CEP250: variants seen among roughly 807,000 people sequenced by gnomAD.
CEP250 encodes centrosome-associated protein CEP250.
Under a neutral mutation model 315.7 loss-of-function variants are expected in CEP250, and 242 were observed. That is an observed-to-expected ratio of 0.77 (90% CI 0.69 to 0.85). The LOEUF is 0.85. CEP250 is among the 40% of genes least tolerant of loss of function. The pLI is 0.00. For missense variants in CEP250, 2,515 were observed against 2,886.4 expected (o/e 0.87, Z 2.95); for synonymous variants, 1,088 against 1,175.0 (o/e 0.93, Z 1.51).
chr20:35,455,991 G>A (rs2062612580), intron 1 of CEP250, among the ~76,000 whole-genome samples: 1 of 152,246 alleles, frequency 6.6e-6, no homozygotes, highest in African/African-American at 2.4e-5. Flanking sequence ...CGCCTCCCGG[G>A]TTCAAGCGAT....
chr20:35,491,178 G>A, intron 21 of CEP250, 34 bp from the exon 22 acceptor site: 4 of 1,605,524 alleles, frequency 2.5e-6, no homozygotes, highest in Non-Finnish European at 3.4e-6. Flanking sequence ...GTAATCCTGA[G>A]CCCACAAGCT....
At position 35,508,179 on chromosome 20, in the gene CEP250, A is replaced by C; in HGVS notation, c.6895A>C (p.Thr2299Pro). 6.2e-7 allele frequency: 1 copy of C among 1,613,872 alleles called. No individual in the cohort carries two copies. Among genetic ancestry groups the C allele is most frequent in the Non-Finnish European group, 8.5e-7 (1 of 1,179,952 alleles). The change falls in exon 32 of 35, where the codon ACC becomes CCC. Residue 2299 changes from threonine to proline, a missense_variant. Physicochemically the swap from Thr to Pro is conservative, Grantham distance 38. Coordinates refer to ENST00000397527, the MANE Select transcript of CEP250 (RefSeq NM_007186.6). ...GCGCCACAATGTCCAGCTGCGGAGT[A>C]CCTTGGAGCAGGTGACCCCTCTTCT... is the stretch of plus-strand genomic sequence containing the variant. The part of the protein sequence containing the change: ...LQRHNVQLRS[T>P]LEQVERERRK...
At chr20:35,492,740 T>TTG (rs1568810630) in intron 22 of CEP250, among the ~76,000 whole-genome samples, 1 of 152,210 alleles carries the variant, frequency 6.6e-6, no homozygotes, top group Non-Finnish European at 1.5e-5. Context: ...ATGTATGTAT[T>TTG]TGTTTGAGAC....
chr20:35,483,481 G>A lies in CEP250; in HGVS notation c.2586+3336G>A, dbSNP rs556307329. Among the ~76,000 whole-genome samples the A allele has an allele frequency of 6.6e-5, 10 of 151,350 alleles. No homozygotes were observed. The South Asian group carries it at 1.0e-3, about 16-fold the overall frequency. On this transcript the variant is annotated intron_variant, in intron 20 of 34. Transcript: ENST00000397527. ...GAGTCCTCCTGCCGCAGCCTCCGAC[G>A]AACTGCAACTACAGGCACATGCCAC...
Position 35,472,715 on chromosome 20 carries a change from C to T in CEP250, c.1093C>T (p.His365Tyr). 6.2e-7 allele frequency: 1 copy of T among 1,614,138 alleles called. No individual in the cohort carries two copies. Among genetic ancestry groups the T allele is most frequent in the Non-Finnish European group, 8.5e-7 (1 of 1,179,994 alleles). ...GGACAATATAGCCCAAGGCTCTGGT[C>T]ATGAGAACTCTTTGGAATTGGACTC... ...EGDNIAQGSG[H>Y]ENSLELDSSI... The change falls in exon 12 of 35, where the codon CAT (histidine) becomes TAT (tyrosine). Residue 365 changes from histidine (H) to tyrosine (Y), a missense_variant. Coordinates refer to ENST00000397527, the MANE Select transcript of CEP250 (RefSeq NM_007186.6).
Position 35,464,298 on chromosome 20 carries a change from G to A in CEP250, c.243+667G>A, listed in dbSNP as rs535690790. ...TTGCTTGCTTGTTTGGTTGGTTTTT[G>A]TTTGTTTGGTTGGTTGGTTGTTTTG... is the stretch of plus-strand genomic sequence containing the variant. On this transcript the variant is annotated intron_variant, in intron 5 of 34. Coordinates refer to ENST00000397527, the MANE Select transcript of CEP250 (RefSeq NM_007186.6). Among the ~76,000 whole-genome samples, 3 of 152,172 alleles carry A rather than the reference G, an allele frequency of 2.0e-5. No homozygotes were observed. The South Asian group carries it at 6.2e-4, about 32-fold the overall frequency.
At position 35,498,580 on chromosome 20, in the gene CEP250, T is replaced by C. The variant is rs751494716; in HGVS notation, c.3656-15T>C. On this transcript the variant is annotated splice_polypyrimidine_tract_variant and intron_variant, in intron 26 of 34. Transcript: ENST00000397527. ...TAGTGGCAGCCAGGTAAGGAGGTTT[T>C]CCTCATTTTTTCAGACCAGAATGGA... 4.4e-6 allele frequency: 7 copies of C among 1,604,668 alleles called. No individual in the cohort carries two copies. Among genetic ancestry groups the C allele is most frequent in the African/African-American group, 1.4e-5 (1 of 74,064 alleles).
chr20:35,488,222 A>T (rs1157212986), intron 20 of CEP250, among the ~76,000 whole-genome samples: 1 of 152,194 alleles, frequency 6.6e-6, no homozygotes, highest in African/African-American at 2.4e-5. Flanking sequence ...GAGCAAATAG[A>T]TCAGTTTTTT....
chr20:35,505,215 T>G (rs2064152535), intron 30 of CEP250, among the ~76,000 whole-genome samples: 1 of 152,198 alleles, frequency 6.6e-6, no homozygotes, highest in South Asian at 2.1e-4. Flanking sequence ...CTCACAGAGT[T>G]CACAGTCTAG....
chr20:35,472,841 C>T lies in CEP250; in HGVS notation c.1209+10C>T. 6.2e-7 allele frequency: 1 copy of T among 1,613,746 alleles called. No individual in the cohort carries two copies. The stretch of plus-strand genomic sequence containing the variant: ...ACGCCAGGCTGTGCAGGTAGGAACC[C>T]TCAGCATTCCACCTCAGTCACAGGG... On this transcript the variant is annotated intron_variant, in intron 12 of 34. Transcript: ENST00000397527.
At chr20:35,506,701 G>C (rs58280688) in intron 30 of CEP250, among the ~76,000 whole-genome samples, 4,142 of 152,160 alleles carry the variant, frequency 0.027, 71 homozygotes, top group South Asian at 0.074. Context: ...AAGTTCACAG[G>C]GTTTGAAATA....
At chr20:35,463,334 C>T (rs532517122) in intron 4 of CEP250, among the ~76,000 whole-genome samples, 147 of 152,308 alleles carry the variant, frequency 9.7e-4, no homozygotes, top group Non-Finnish European at 5.4e-4. Flanking sequence ...ATCTGGGAAG[C>T]GGAGGTTGCA....
In CEP250 at chr20:35,502,738, G is replaced by C. The variant is rs748430245; in HGVS notation, c.4369G>C (p.Ala1457Pro). 1 of 1,614,272 alleles carries C rather than the reference G, an allele frequency of 6.2e-7. No individual in the cohort carries two copies. Among genetic ancestry groups the C allele is most frequent in the Non-Finnish European group, 8.5e-7 (1 of 1,180,050 alleles). Residue 1457 changes from alanine to proline, a missense_variant, in exon 30 of 35, where the codon GCT becomes CCT. Physicochemically the swap from Ala to Pro is conservative, Grantham distance 27. Coordinates refer to ENST00000397527, the MANE Select transcript of CEP250 (RefSeq NM_007186.6). ...GAAGCAACGGGAAATGCAGAAGGCT[G>C]CTTTGGAATTGCTGTCTCTGGACCT... The part of the protein sequence containing the change: ...LEKQREMQKA[A>P]LELLSLDLKK...
At chr20:35,486,443 T>C (rs1364128899) in intron 20 of CEP250, among the ~76,000 whole-genome samples, 1 of 151,572 alleles carries the variant, frequency 6.6e-6, no homozygotes, top group East Asian at 1.9e-4. Context: ...TGATCTCACT[T>C]TGTTGCCTAG....
chr20:35,507,126 C>G (rs1334621279), intron 30 of CEP250, among the ~76,000 whole-genome samples: 3 of 152,226 alleles, frequency 2.0e-5, no homozygotes, highest in African/African-American at 7.2e-5. Context: ...AGCTCTTCCT[C>G]TCTCCCAGGC....
In CEP250 at chr20:35,513,489, C is replaced by T. The variant is rs2064397831; in HGVS notation, c.*1863C>T. 6.6e-6 allele frequency: 1 copy of T among 152,144 alleles called. No individual in the cohort carries two copies. The highest frequency in any genetic ancestry group is 6.5e-5 in the Admixed American group (1 of 15,274). The allele number at this position is 152,144 out of a possible 1,614,324, so 9.4% of individuals were successfully genotyped here. ...ATCAGGCTGGTCTCGAACTCCCGAC[C>T]TCAGGTGATCCACCCACCTCGGCCT... is the stretch of plus-strand genomic sequence containing the variant. On this transcript the variant is annotated 3_prime_UTR_variant, in exon 35 of 35. Coordinates refer to ENST00000397527, the MANE Select transcript of CEP250 (RefSeq NM_007186.6).
intron 3 of CEP250, among the ~76,000 whole-genome samples, chr20:35,461,188 A>C (rs1207691678): frequency 6.6e-6 from 1 of 152,230 alleles, no homozygotes; most frequent in Non-Finnish European, 1.5e-5. Context: ...GTAGTTGAAA[A>C]TACGGATATT....
At chr20:35,479,052 G>T (rs1031039287) in intron 17 of CEP250, among the ~76,000 whole-genome samples, 179 bp from the exon 18 acceptor site, 3 of 152,198 alleles carry the variant, frequency 2.0e-5, no homozygotes, top group Non-Finnish European at 4.4e-5. Flanking sequence ...TTCTTCCTGG[G>T]CTGGGGGCTC....
chr20:35,505,450 C>T (rs1193749850), intron 30 of CEP250, among the ~76,000 whole-genome samples: 2 of 152,034 alleles, frequency 1.3e-5, no homozygotes, highest in Non-Finnish European at 2.9e-5. Context: ...GTCAGGAGTT[C>T]GAGACCAGTC....
Sources: gnomAD v4.1 joint callset for allele counts (sites outside exome capture counted in the v4.1 genomes callset) on GRCh38, gnomAD v4.1.1 for gene constraint, MANE v1.5 for transcripts, NCBI Gene and HGNC (gene_info 2026-07-23, HGNC 2026-07-21) for gene names.